The following WFDC8 variants were observed in gnomAD, a reference collection of about 807,000 sequenced individuals.
The protein encoded by WFDC8 is WAP four-disulfide core domain protein 8.
In WFDC8, 24 loss-of-function variants were observed where a neutral mutation model predicts 27.0. The observed-to-expected ratio is 0.89, with a 90% CI of 0.64 to 1.25. The LOEUF (loss-of-function observed/expected upper bound fraction) is 1.25, where lower values mean the gene tolerates loss of function less well. Among genes scored for constraint, WFDC8 ranks in the 50% most tolerant of loss-of-function variants. WFDC8 has a pLI of 0.00. For missense variants in WFDC8, 287 were observed against 295.9 expected, an observed-to-expected ratio of 0.97 and a Z score of 0.22; for synonymous variants, 106 against 99.7, an observed-to-expected ratio of 1.06 and a Z score of -0.38.
intron 3 of WFDC8, among the ~76,000 whole-genome samples, 200 bp downstream of exon 3, chr20:45,558,652 G>A (rs771763885): frequency 6.6e-6 from 1 of 152,204 alleles, no homozygotes; most frequent in Non-Finnish European, 1.5e-5. Context: ...TTGGACCCAA[G>A]AAGACCAGCA....
chr20:45,558,718 G>A (rs1980356113), intron 3 of WFDC8, 134 bp downstream of exon 3: 1 of 1,070,448 alleles, frequency 9.3e-7, no homozygotes, highest in Non-Finnish European at 1.3e-6. Context: ...TGTACTTGAG[G>A]GTTAGGCATT....
At position 45,558,759 on chromosome 20, in the gene WFDC8, G is replaced by T. The variant is rs922699396; in HGVS notation, c.277+93C>A. 25 of 1,503,376 alleles carry T rather than the reference G, an allele frequency of 1.7e-5. No homozygotes were observed. In the South Asian group the frequency reaches 3.1e-4, roughly 19 times the overall value. 93.1% of individuals were successfully genotyped at this position (1,503,376 alleles called of 1,614,324 possible). The stretch of plus-strand genomic sequence containing the variant: ...ACAGAATGAGAAGAGCACAGGCCCT[G>T]GGTCCTTGTCCTGCCATCCAAGGGA... On this transcript the variant is annotated intron_variant, in intron 3 of 5. Transcript: ENST00000289953.
In WFDC8 at chr20:45,578,667, T is replaced by C. The variant is rs1439255073; in HGVS notation, c.26+555A>G. 1.3e-5 allele frequency among the ~76,000 whole-genome samples: 2 copies of C among 152,156 alleles called. 1 individual carries two copies. Among genetic ancestry groups the C allele is most frequent in the Non-Finnish European group, 2.9e-5 (2 of 68,028 alleles). ...CACGGGCCGTTCTAAAATTGCAAGGTAATGGACAGGAGTGTCCTCTTAAAG... is the reference window on the plus strand; with the variant it reads ...CACGGGCCGTTCTAAAATTGCAAGGCAATGGACAGGAGTGTCCTCTTAAAG... On this transcript the variant is annotated intron_variant, in intron 1 of 5. Transcript: ENST00000289953.
Position 45,572,362 on chromosome 20 carries a change from A to G in WFDC8, c.26+6860T>C, listed in dbSNP as rs1033362913. 3.6e-5 allele frequency among the ~76,000 whole-genome samples: 5 copies of G among 140,236 alleles called. No homozygotes were observed. The Admixed American group carries it at 4.0e-4, about 11-fold the overall frequency. The allele number at this position is 140,236 out of a possible 152,430, so 92.0% of individuals were successfully genotyped here. On this transcript the variant is annotated intron_variant, in intron 1 of 5. Transcript: ENST00000289953. ...CAGTGAGCCGAGATCGTGCCACTGC[A>G]CTCCAGCCTGGGCGACAGAGTGAGA...
chr20:45,553,442 A>G (rs6032299), intron 4 of WFDC8, among the ~76,000 whole-genome samples, 166 bp from the exon 5 acceptor site: 58,255 of 152,012 alleles, frequency 0.38, 11,638 homozygotes, highest in Non-Finnish European at 0.43. Flanking sequence ...TCATCATATC[A>G]TGGGATATGG....
intron 1 of WFDC8, among the ~76,000 whole-genome samples, chr20:45,565,384 C>T (rs926313098): frequency 1.2e-4 from 19 of 152,202 alleles, no homozygotes; most frequent in African/African-American, 4.1e-4. Flanking sequence ...TACACAGGTA[C>T]AGAGGGATCT....
chr20:45,555,219 G>T (rs149550320), intron 4 of WFDC8, among the ~76,000 whole-genome samples: 1 of 152,146 alleles, frequency 6.6e-6, no homozygotes. Flanking sequence ...CAACATTGCT[G>T]GTGATGATCA....
At chr20:45,554,437 G>A (rs1600885223) in intron 4 of WFDC8, among the ~76,000 whole-genome samples, 1 of 152,150 alleles carries the variant, frequency 6.6e-6, no homozygotes, top group African/African-American at 2.4e-5. Context: ...ACACAACTTT[G>A]TGGGTCATTA....
Position 45,553,293 on chromosome 20 carries a change from T to C in WFDC8, c.446-17A>G, listed in dbSNP as rs748729901. 6.2e-7 allele frequency: 1 copy of C among 1,607,506 alleles called. No individual in the cohort carries two copies. Among genetic ancestry groups the C allele is most frequent in the East Asian group, 2.2e-5 (1 of 44,800 alleles). The stretch of plus-strand genomic sequence containing the variant: ...CATCCTTAACTAAAATAAGAGCAGA[T>C]GTGAGCTTCTTAAAACCCCACCCCC... On this transcript the variant is annotated splice_polypyrimidine_tract_variant and intron_variant, in intron 4 of 5. Coordinates refer to ENST00000289953, the MANE Select transcript of WFDC8 (RefSeq NM_130896.3).
chr20:45,554,176 T>C (rs943243568), intron 4 of WFDC8, among the ~76,000 whole-genome samples: 1 of 144,256 alleles, frequency 6.9e-6, no homozygotes, highest in Non-Finnish European at 1.5e-5. Flanking sequence ...TGTTGTGTTT[T>C]TGTTTTTGTT....
At position 45,553,157 on chromosome 20, in the gene WFDC8, CA is replaced by C; in HGVS notation, c.564del (p.Phe188LeufsTer47). 1 of 1,613,208 alleles carries C rather than the reference CA, an allele frequency of 6.2e-7. No homozygotes were observed. The stretch of plus-strand genomic sequence containing the variant: ...TTACCTGTCCAGGCCCTGGCACAAA[CA>C]AAGCCACACCTGGATTCACAACATT... Reference protein sequence around the residue: ...TDKCCESRCGFVCARAWTVKK... With the variant: ...TDKCCESRCGXVCARAWTVKK... On this transcript the variant is annotated frameshift_variant, in exon 5 of 6. Coordinates refer to ENST00000289953, the MANE Select transcript of WFDC8 (RefSeq NM_130896.3). LOFTEE classifies it low-confidence loss of function (END_TRUNC).
chr20:45,554,161 T>TG (rs1204894923), intron 4 of WFDC8, among the ~76,000 whole-genome samples: 1 of 151,374 alleles, frequency 6.6e-6, no homozygotes, highest in African/African-American at 2.4e-5. Context: ...GCCTGTTTTT[T>TG]TTGTTGTTGT....
intron 1 of WFDC8, 54 bp downstream of exon 1, chr20:45,579,168 T>C: frequency 7.6e-6 from 12 of 1,584,640 alleles, no homozygotes; most frequent in African/African-American, 1.3e-5. Flanking sequence ...CCTCATCTCC[T>C]TGGGCTCAGA....
chr20:45,565,084 GAA>G (rs1980629790), intron 1 of WFDC8, among the ~76,000 whole-genome samples: 1 of 147,442 alleles, frequency 6.8e-6, no homozygotes, highest in Admixed American at 6.9e-5. Flanking sequence ...GGAAGAAAGA[GAA>G]AGAGGGAGGG....
rs1980217314 is a variant in WFDC8 at position 45,555,735 on chromosome 20, A to G, written c.411T>C (p.Asn137=). Reference sequence around the variant, plus strand: ...TGCAGGCCGTTCTGCAGGCATCCTCATTTAAGAAGTTGTTGGCATTCCCTT... The same window carrying G: ...TGCAGGCCGTTCTGCAGGCATCCTCGTTTAAGAAGTTGTTGGCATTCCCTT... ...GCEGNANNFL[N]EDACRTACML... is the part of the protein sequence containing the mutation. Residue 137 remains asparagine, a synonymous_variant, in exon 4 of 6, where the codon AAT becomes AAC. Coordinates refer to ENST00000289953, the MANE Select transcript of WFDC8 (RefSeq NM_130896.3). The G allele has an allele frequency of 2.5e-6, 4 of 1,612,824 alleles. No individual in the cohort carries two copies. Among genetic ancestry groups the G allele is most frequent in the Middle Eastern group, 2.0e-4 (1 of 5,012 alleles).
chr20:45,578,399 G>A lies in WFDC8; in HGVS notation c.26+823C>T, dbSNP rs564601393. On this transcript the variant is annotated intron_variant, in intron 1 of 5. Coordinates refer to ENST00000289953, the MANE Select transcript of WFDC8 (RefSeq NM_130896.3). ...GCTTGCCACAACAAAAGACTTCCTAGGCAAATTGTCTACTGCTTTGTTCCA... is the reference window on the plus strand; with the variant it reads ...GCTTGCCACAACAAAAGACTTCCTAAGCAAATTGTCTACTGCTTTGTTCCA... 3.0e-4 allele frequency among the ~76,000 whole-genome samples: 45 copies of A among 151,372 alleles called. 3 individuals are homozygous for A. The highest frequency in any genetic ancestry group is 5.9e-4 in the Non-Finnish European group (40 of 67,674).
intron 1 of WFDC8, among the ~76,000 whole-genome samples, chr20:45,574,949 C>T (rs767323831): frequency 1.6e-4 from 25 of 152,080 alleles, no homozygotes; most frequent in Non-Finnish European, 3.1e-4. Context: ...TCAGTAGATG[C>T]GGAAAATGCA....
intron 5 of WFDC8, 92 bp downstream of exon 5, chr20:45,553,044 C>G: frequency 1.4e-6 from 2 of 1,477,488 alleles, no homozygotes; most frequent in Non-Finnish European, 1.8e-6. Context: ...CAAGGAGCAT[C>G]TGAGGTTCAA....
chr20:45,574,836 A>G (rs1004878187), intron 1 of WFDC8, among the ~76,000 whole-genome samples: 1 of 152,208 alleles, frequency 6.6e-6, no homozygotes, highest in African/African-American at 2.4e-5. Flanking sequence ...ACCATGATCA[A>G]GTGGGATTTA....
Sources: allele counts gnomAD v4.1 joint callset (sites outside exome capture counted in the v4.1 genomes callset), GRCh38; gene constraint gnomAD v4.1.1; transcripts MANE v1.5; gene names NCBI Gene and HGNC (gene_info 2026-07-23, HGNC 2026-07-21).